Variants in CEP63 observed in about 807,000 individuals in gnomAD.
CEP63 encodes centrosomal protein 63, also known as centrosomal protein of 63 kDa.
Under a neutral mutation model 89.1 loss-of-function variants are expected in CEP63, and 84 were observed. That is an observed-to-expected ratio of 0.94 (90% CI 0.79 to 1.13). The LOEUF is 1.13. Among genes scored for constraint, CEP63 ranks in the 50% most tolerant of loss-of-function variants. CEP63 has a pLI of 0.00. For synonymous variants in CEP63, 267 were observed against 272.5 expected, an observed-to-expected ratio of 0.98 and a Z score of 0.20; for missense variants, 838 against 813.3, an observed-to-expected ratio of 1.03 and a Z score of -0.37.
the CEP63 span, among the ~76,000 whole-genome samples, chr3:134,694,634 T>G: frequency 6.6e-6 from 1 of 152,350 alleles, no homozygotes; most frequent in South Asian, 2.1e-4. Context: ...ACAAGCCAGA[T>G]GCCAGGGGCT....
At chr3:134,607,949 T>C in the CEP63 span, 4 of 996,404 alleles carry the variant, frequency 4.0e-6, no homozygotes, top group Non-Finnish European at 4.8e-6. Flanking sequence ...TGTCCCCGCC[T>C]CTCCTCTGCT....
chr3:134,498,161 A>G (rs953583136), intron 2 of CEP63, among the ~76,000 whole-genome samples: 1 of 152,144 alleles, frequency 6.6e-6, no homozygotes, highest in Non-Finnish European at 1.5e-5. Flanking sequence ...ATTTGGATAT[A>G]ATCATTTGAA....
chr3:134,526,261 C>T (rs1327191086), intron 3 of CEP63, among the ~76,000 whole-genome samples: 4 of 151,748 alleles, frequency 2.6e-5, no homozygotes, highest in Admixed American at 6.6e-5. Flanking sequence ...ATTCTTGTGG[C>T]ATGTTTTTCA....
chr3:134,777,192 T>G, the CEP63 span, among the ~76,000 whole-genome samples: 1 of 152,248 alleles, frequency 6.6e-6, no homozygotes, highest in Non-Finnish European at 1.5e-5. Context: ...TTCTGGATTT[T>G]ACCATTAATA....
the CEP63 span, chr3:134,625,009 G>A: frequency 3.3e-6 from 5 of 1,530,246 alleles, no homozygotes; most frequent in Non-Finnish European, 4.4e-6. Flanking sequence ...AGAACTCTAA[G>A]CCACCTTGAA....
the CEP63 span, among the ~76,000 whole-genome samples, chr3:134,732,183 C>T: frequency 6.0e-4 from 91 of 152,226 alleles, no homozygotes; most frequent in East Asian, 0.017. Flanking sequence ...ACTAAACTGA[C>T]AGAAGAAGGT....
At chr3:134,670,717 A>G in the CEP63 span, among the ~76,000 whole-genome samples, 2 of 152,376 alleles carry the variant, frequency 1.3e-5, no homozygotes, top group Admixed American at 1.3e-4. Flanking sequence ...GAACCAGGTC[A>G]GATCATGTAC....
the CEP63 span, among the ~76,000 whole-genome samples, chr3:134,685,915 T>G: frequency 6.6e-6 from 1 of 152,220 alleles, no homozygotes; most frequent in African/African-American, 2.4e-5. Context: ...GTCTGCCACG[T>G]GTTTAGGGCC....
chr3:134,749,453 A>T, the CEP63 span, among the ~76,000 whole-genome samples: 1 of 152,076 alleles, frequency 6.6e-6, no homozygotes, highest in Non-Finnish European at 1.5e-5. Context: ...GAGCCAAAAG[A>T]GCCTGAACCA....
chr3:134,547,416 T>C lies in CEP63; in HGVS notation c.1011T>C (p.Asn337=), dbSNP rs1476403052. The C allele has an allele frequency of 6.2e-7, 1 of 1,613,708 alleles. No individual in the cohort carries two copies. The highest frequency in any genetic ancestry group is 1.3e-5 in the African/African-American group (1 of 74,908). Residue 337 remains asparagine, a synonymous_variant, in exon 9 of 15, where the codon AAT becomes AAC. Transcript: ENST00000675561. ...GDLDSVLSQL[N]FTHTSEDLLQ... ...TAGACAGTGTGCTCTCCCAGTTGAA[T>C]TTTACCCATACTAGTGAGGACCTTC...
chr3:134,582,128 G>GAA (rs57686233), intron 10 of CEP63, among the ~76,000 whole-genome samples: 2 of 151,698 alleles, frequency 1.3e-5, no homozygotes, highest in East Asian at 1.9e-4. Flanking sequence ...TAGCCTCAGG[G>GAA]AAAAAAACTG....
chr3:134,545,472 T>A (rs1577261080), intron 6 of CEP63, 114 bp from the exon 7 acceptor site: 1 of 778,162 alleles, frequency 1.3e-6, no homozygotes. Flanking sequence ...ATATATATAT[T>A]TTAGTGAGCC....
chr3:134,679,569 T>C, the CEP63 span, among the ~76,000 whole-genome samples: 3 of 152,246 alleles, frequency 2.0e-5, no homozygotes, highest in Non-Finnish European at 4.4e-5. Context: ...TATAAACTAT[T>C]ATGGACTGGC....
At chr3:134,776,164 A>C in the CEP63 span, among the ~76,000 whole-genome samples, 2 of 152,036 alleles carry the variant, frequency 1.3e-5, no homozygotes, top group Non-Finnish European at 2.9e-5. Flanking sequence ...CTTGACATCC[A>C]CCTAATTTTT....
At position 134,545,711 on chromosome 3, in the gene CEP63, A is replaced by G. The variant is rs1953136752; in HGVS notation, c.681A>G (p.Ile227Met). ...CTATCTGTGCCAATGAGTTGGAAAT[A>G]GAGCGCCTCACCATGAGGGTCAATG... Reference protein sequence around the residue: ...NDTICANELEIERLTMRVNDL... With the variant: ...NDTICANELEMERLTMRVNDL... The change falls in exon 7 of 15, where the codon ATA (isoleucine) becomes ATG (methionine). Residue 227 changes from isoleucine (I) to methionine (M), a missense_variant. Coordinates refer to ENST00000675561, the MANE Select transcript of CEP63 (RefSeq NM_001353108.3). 1 of 1,614,152 alleles carries G rather than the reference A, an allele frequency of 6.2e-7. No homozygotes were observed. The highest frequency in any genetic ancestry group is 8.5e-7 in the Non-Finnish European group (1 of 1,179,994).
chr3:134,501,769 AGCAAAG>A (rs1942068116), intron 2 of CEP63, among the ~76,000 whole-genome samples: 1 of 152,218 alleles, frequency 6.6e-6, no homozygotes, highest in Non-Finnish European at 1.5e-5. Flanking sequence ...TCATATCATC[AGCAAAG>A]ATAGATAATT....
At chr3:134,573,440 T>C (rs1049051028) in intron 11 of CEP63, among the ~76,000 whole-genome samples, 18 of 152,186 alleles carry the variant, frequency 1.2e-4, no homozygotes, top group African/African-American at 4.3e-4. Context: ...CAATGAAAGG[T>C]AAGGGTCCAG....
chr3:134,749,705 C>CCAAAA, the CEP63 span, among the ~76,000 whole-genome samples: 1 of 49,408 alleles, frequency 2.0e-5, no homozygotes, highest in Non-Finnish European at 3.8e-5. Context: ...AGGGGTTGTT[C>CCAAAA]AAAAAAAAAA....
At chr3:134,781,533 C>T in the CEP63 span, among the ~76,000 whole-genome samples, 2 of 152,172 alleles carry the variant, frequency 1.3e-5, no homozygotes, top group Non-Finnish European at 2.9e-5. Flanking sequence ...TGGTGGGCTG[C>T]AAGCCTACCC....
Sources: allele counts gnomAD v4.1 joint callset (sites outside exome capture counted in the v4.1 genomes callset), GRCh38; gene constraint gnomAD v4.1.1; transcripts MANE v1.5; gene names NCBI Gene and HGNC (gene_info 2026-07-23, HGNC 2026-07-21).